The following ALG9 variants were observed in gnomAD, a reference collection of about 807,000 sequenced individuals.
The protein encoded by ALG9 is ALG9 alpha-1,2-mannosyltransferase, also known as alpha-1,2-mannosyltransferase ALG9.
ALG9 carries 55 observed loss-of-function variants against 81.8 expected under a neutral mutation model. The observed-to-expected ratio is 0.67, with a 90% CI of 0.54 to 0.84. The LOEUF (loss-of-function observed/expected upper bound fraction) is 0.84. Among genes scored for constraint, ALG9 ranks in the 40% least tolerant of loss-of-function variants. The pLI is 0.00. For synonymous variants in ALG9, 278 were observed against 274.3 expected (o/e 1.01, Z -0.13); for missense variants, 629 against 745.0 (o/e 0.84, Z 1.81).
intron 10 of ALG9, 149 bp from the exon 11 acceptor site, chr11:111,838,548 A>G (rs571165317): frequency 2.9e-6 from 2 of 679,242 alleles, no homozygotes; most frequent in East Asian, 2.8e-5. Context: ...ATAAAAGCCA[A>G]CTCCTCTAAG....
At chr11:111,802,773 G>A (rs1339136345) in intron 14 of ALG9, among the ~76,000 whole-genome samples, 2 of 152,164 alleles carry the variant, frequency 1.3e-5, no homozygotes, top group Non-Finnish European at 2.9e-5. Context: ...ACATGGCCCC[G>A]TTTAAGGCTC....
chr11:111,847,690 A>C (rs1308698355), intron 8 of ALG9, among the ~76,000 whole-genome samples: 1 of 152,190 alleles, frequency 6.6e-6, no homozygotes, highest in Non-Finnish European at 1.5e-5. Context: ...CTAAGACTTC[A>C]CAATTCTAGT....
chr11:111,821,448 A>T (rs1287726422), intron 13 of ALG9, among the ~76,000 whole-genome samples: 2 of 152,274 alleles, frequency 1.3e-5, no homozygotes, highest in East Asian at 3.9e-4. Context: ...GCCAGACTAG[A>T]GTCAAGCTCG....
chr11:111,769,095 C>T, the ALG9 span: 1 of 146,634 alleles, frequency 6.8e-6, no homozygotes. Flanking sequence ...CACTTGAGCT[C>T]ACGGGTTCAA....
chr11:111,837,136 T>A (rs1955438389), intron 12 of ALG9, among the ~76,000 whole-genome samples: 1 of 152,190 alleles, frequency 6.6e-6, no homozygotes, highest in Non-Finnish European at 1.5e-5. Context: ...TAGAAGAGGA[T>A]TAACATCAGA....
intron 14 of ALG9, among the ~76,000 whole-genome samples, chr11:111,806,495 C>T (rs1293789124): frequency 2.0e-5 from 3 of 152,136 alleles, no homozygotes; most frequent in Non-Finnish European, 4.4e-5. Flanking sequence ...GCCTTAGCTT[C>T]GAGGGTACTC....
intron 14 of ALG9, among the ~76,000 whole-genome samples, chr11:111,796,790 G>A (rs571484219): frequency 1.3e-5 from 2 of 152,222 alleles, no homozygotes; most frequent in South Asian, 2.1e-4. Flanking sequence ...TCTTGGCATC[G>A]CTGAGGAAGC....
chr11:111,810,991 C>T (rs1418562139), intron 13 of ALG9, among the ~76,000 whole-genome samples: 1 of 152,076 alleles, frequency 6.6e-6, no homozygotes, highest in Non-Finnish European at 1.5e-5. Flanking sequence ...GAAAAAGAAA[C>T]ACAGGGCAGA....
At chr11:111,865,405 CTCAATATCAGT>C (rs1555151972) in intron 3 of ALG9, among the ~76,000 whole-genome samples, 154 bp from the exon 4 acceptor site, 1 of 152,182 alleles carries the variant, frequency 6.6e-6, no homozygotes, top group African/African-American at 2.4e-5. Context: ...TATCCCTTGA[CTCAATATCAGT>C]ATACCTACTT....
chr11:111,822,377 C>G (rs1392341415), intron 13 of ALG9, among the ~76,000 whole-genome samples: 6 of 118,790 alleles, frequency 5.1e-5, no homozygotes, highest in Admixed American at 1.2e-4. Context: ...CCACTGCACT[C>G]TAGTCTGGGT....
At position 111,809,823 on chromosome 11, in the gene ALG9, C is replaced by T. The variant is rs782608611; in HGVS notation, c.1603-50G>A. 4 of 1,608,320 alleles carry T rather than the reference C, an allele frequency of 2.5e-6. No individual in the cohort carries two copies. The South Asian group carries it at 3.3e-5, about 13-fold the overall frequency. On this transcript the variant is annotated intron_variant, in intron 13 of 14. Transcript: ENST00000616540. The stretch of plus-strand genomic sequence containing the variant: ...TCATTAGTAATTTTGAAGGTCCCTT[C>T]AGGGTAGAGAACAGCAATTGCAATC...
At chr11:111,795,940 A>AT (rs1386480168) in intron 14 of ALG9, among the ~76,000 whole-genome samples, 3 of 152,188 alleles carry the variant, frequency 2.0e-5, no homozygotes, top group African/African-American at 7.2e-5. Context: ...AAGGTACTCT[A>AT]TGTCCCATTC....
chr11:111,809,534 A>G, intron 14 of ALG9, 109 bp downstream of exon 14: 3 of 1,347,904 alleles, frequency 2.2e-6, no homozygotes, highest in Non-Finnish European at 3.2e-6. Context: ...ACACACACAC[A>G]CACACGATGG....
At chr11:111,771,672 A>G in the ALG9 span, among the ~76,000 whole-genome samples, 1 of 152,188 alleles carries the variant, frequency 6.6e-6, no homozygotes, top group South Asian at 2.1e-4. Context: ...AACCTGAGGC[A>G]CACGGAAGCA....
chr11:111,822,311 A>G (rs1251523824), intron 13 of ALG9, among the ~76,000 whole-genome samples: 2 of 144,788 alleles, frequency 1.4e-5, no homozygotes, highest in Admixed American at 7.2e-5. Flanking sequence ...CGAGAGGCTG[A>G]GGCAGGAGGA....
intron 14 of ALG9, among the ~76,000 whole-genome samples, chr11:111,791,357 C>T (rs1947377859): frequency 6.6e-6 from 1 of 152,220 alleles, no homozygotes; most frequent in African/African-American, 2.4e-5. Flanking sequence ...AGGTCAAATG[C>T]TGAGGGCTGG....
chr11:111,871,473 G>C lies in ALG9; in HGVS notation c.10C>G (p.Arg4Gly). Residue 4 changes from arginine (R) to glycine (G), a missense_variant, in exon 1 of 15, where the codon CGA (arginine) becomes GGA (glycine). This residue lies in a region of ALG9 where 344 missense variants were observed against 390.5 expected (regional missense o/e 0.88). Coordinates refer to ENST00000616540, the MANE Select transcript of ALG9 (RefSeq NM_024740.2). MAS[R>G]GARQRLKGSG... ...CCCTTCAGGCGCTGCCGAGCCCCTC[G>C]ACTAGCCATGGCAAGCCTGGGGAAA... 1 of 1,536,650 alleles carries C rather than the reference G, an allele frequency of 6.5e-7. No individual in the cohort carries two copies. The highest frequency in any genetic ancestry group is 8.7e-7 in the Non-Finnish European group (1 of 1,146,650).
chr11:111,814,725 G>C (rs1293556390), intron 13 of ALG9: 2 of 152,022 alleles, frequency 1.3e-5, no homozygotes, highest in African/African-American at 4.8e-5. Flanking sequence ...TTCCTCCAGG[G>C]GAGAGAAAGC....
At chr11:111,815,936 G>T (rs1951405843) in intron 13 of ALG9, among the ~76,000 whole-genome samples, 1 of 152,168 alleles carries the variant, frequency 6.6e-6, no homozygotes, top group Admixed American at 6.5e-5. Context: ...CTAGGTTAGT[G>T]TCTATTATCA....
Sources: allele counts gnomAD v4.1 joint callset (sites outside exome capture counted in the v4.1 genomes callset), GRCh38; gene constraint gnomAD v4.1.1; regional missense constraint gnomAD v4.1.1; transcripts MANE v1.5; gene names NCBI Gene and HGNC (gene_info 2026-07-23, HGNC 2026-07-21).